NOX4: variants seen among roughly 807,000 people sequenced by gnomAD.
The protein encoded by NOX4 is NADPH oxidase 4.
Under a neutral mutation model 87.6 loss-of-function variants are expected in NOX4, and 69 were observed. That is an observed-to-expected ratio of 0.79 (90% confidence interval 0.65 to 0.96). The LOEUF (loss-of-function observed/expected upper bound fraction) is 0.96. Ranked by LOEUF, NOX4 falls within the 40% of genes least tolerant of loss-of-function variation. The pLI, the probability that NOX4 is intolerant of heterozygous loss-of-function variation, is 0.00. For synonymous variants in NOX4, 275 were observed against 238.2 expected, an observed-to-expected ratio of 1.15 and a Z score of -1.42; for missense variants, 680 against 681.5, an observed-to-expected ratio of 1.00 and a Z score of 0.02.
the NOX4 span, among the ~76,000 whole-genome samples, chr11:89,571,883 C>T: frequency 6.6e-6 from 1 of 152,116 alleles, no homozygotes; most frequent in Non-Finnish European, 1.5e-5. Flanking sequence ...AAAGTCATCC[C>T]TCTGAGGCTC....
chr11:89,422,667 G>A (rs2135268102), intron 7 of NOX4, among the ~76,000 whole-genome samples: 1 of 152,152 alleles, frequency 6.6e-6, no homozygotes, highest in East Asian at 1.9e-4. Flanking sequence ...TGAATCTGAT[G>A]CTTCCCATAG....
chr11:89,550,716 CA>C, the NOX4 span, among the ~76,000 whole-genome samples: 1 of 152,072 alleles, frequency 6.6e-6, no homozygotes, highest in African/African-American at 2.4e-5. Flanking sequence ...GGAGAGATTG[CA>C]AAATTTTTCT....
intron 12 of NOX4, among the ~76,000 whole-genome samples, chr11:89,360,548 T>C (rs1938440856): frequency 6.6e-6 from 1 of 152,124 alleles, no homozygotes; most frequent in Non-Finnish European, 1.5e-5. Context: ...ACTCAACTGG[T>C]TGTCAGAGAG....
intron 8 of NOX4, among the ~76,000 whole-genome samples, chr11:89,411,317 G>C (rs1484037973): frequency 1.3e-5 from 2 of 152,128 alleles, no homozygotes; most frequent in Non-Finnish European, 2.9e-5. Context: ...GGTTGTTATG[G>C]AGAGGGACTC....
chr11:89,535,364 CAA>C, the NOX4 span, among the ~76,000 whole-genome samples: 1 of 152,242 alleles, frequency 6.6e-6, no homozygotes, highest in Non-Finnish European at 1.5e-5. Flanking sequence ...ACGTTTCAGT[CAA>C]GAGACACGTA....
At chr11:89,568,643 A>G in the NOX4 span, among the ~76,000 whole-genome samples, 3 of 152,228 alleles carry the variant, frequency 2.0e-5, no homozygotes, top group Non-Finnish European at 4.4e-5. Context: ...TTCCTATCAA[A>G]CTATCAAAAA....
chr11:89,361,471 C>T (rs191744679), intron 12 of NOX4, among the ~76,000 whole-genome samples: 45 of 151,934 alleles, frequency 3.0e-4, no homozygotes, highest in South Asian at 4.2e-4. Context: ...TGTTAGAAGT[C>T]GGGTGAGGGA....
At chr11:89,359,786 T>C (rs1463222004) in intron 12 of NOX4, among the ~76,000 whole-genome samples, 1 of 151,978 alleles carries the variant, frequency 6.6e-6, no homozygotes, top group Admixed American at 6.6e-5. Context: ...ATTTTAACTG[T>C]TTTGAGTATT....
chr11:89,384,921 T>G (rs1287716228), intron 11 of NOX4, among the ~76,000 whole-genome samples: 1 of 151,786 alleles, frequency 6.6e-6, no homozygotes, highest in Non-Finnish European at 1.5e-5. Context: ...CCCCATATTT[T>G]CTTCTTTCCT....
At chr11:89,465,829 T>A (rs1945669441) in intron 2 of NOX4, among the ~76,000 whole-genome samples, 1 of 151,782 alleles carries the variant, frequency 6.6e-6, no homozygotes, top group South Asian at 2.1e-4. Flanking sequence ...ATGGGGTTTT[T>A]TTTTTCTTGT....
At chr11:89,467,411 G>T (rs145949083) in intron 2 of NOX4, among the ~76,000 whole-genome samples, 135 of 149,082 alleles carry the variant, frequency 9.1e-4, no homozygotes, top group Middle Eastern at 3.5e-3. Context: ...TTTTATTAGT[G>T]CAGAGCATCT....
intron 8 of NOX4, among the ~76,000 whole-genome samples, chr11:89,419,634 T>C (rs1398872143): frequency 3.3e-5 from 5 of 151,884 alleles, no homozygotes; most frequent in African/African-American, 1.2e-4. Context: ...AGTTTAATAA[T>C]TGATTGATTA....
chr11:89,341,214 C>T lies in NOX4; in HGVS notation c.1337+860G>A, dbSNP rs146667972. On this transcript the variant is annotated intron_variant, in intron 14 of 17. Transcript: ENST00000263317. The stretch of plus-strand genomic sequence containing the variant: ...CTCCCCTCACTGCAACCCCCACCTC[C>T]CAGGTTCAAGAGATTCTCATGCCTC... 2.7e-3 allele frequency among the ~76,000 whole-genome samples: 412 copies of T among 150,200 alleles called. 1 individual carries two copies. Among genetic ancestry groups the T allele is most frequent in the African/African-American group, 9.6e-3 (392 of 40,696 alleles).
At chr11:89,386,468 C>T (rs371035856) in intron 11 of NOX4, among the ~76,000 whole-genome samples, 5 of 152,202 alleles carry the variant, frequency 3.3e-5, no homozygotes, top group South Asian at 4.1e-4. Context: ...AAAACTTTCA[C>T]CCTGATGAAG....
chr11:89,347,041 C>T (rs1336585768), intron 13 of NOX4, among the ~76,000 whole-genome samples: 1 of 151,974 alleles, frequency 6.6e-6, no homozygotes, highest in Admixed American at 6.6e-5. Flanking sequence ...TCCAGGTATT[C>T]GAATTTCACA....
At chr11:89,568,518 T>C in the NOX4 span, among the ~76,000 whole-genome samples, 407 of 152,236 alleles carry the variant, frequency 2.7e-3, 3 homozygotes, top group African/African-American at 9.3e-3. Flanking sequence ...GAAACACTAT[T>C]GAAAGTAATC....
chr11:89,390,231 G>C (rs150373086), intron 11 of NOX4, among the ~76,000 whole-genome samples: 1 of 152,136 alleles, frequency 6.6e-6, no homozygotes, highest in Non-Finnish European at 1.5e-5. Context: ...AGAAATATTT[G>C]CCCTACTCAA....
chr11:89,360,774 A>G (rs1300124287), intron 12 of NOX4, among the ~76,000 whole-genome samples: 1 of 152,116 alleles, frequency 6.6e-6, no homozygotes, highest in Non-Finnish European at 1.5e-5. Flanking sequence ...AAATAATCCC[A>G]TCAAAAAGTG....
chr11:89,492,516 TTAA>T (rs753133053), upstream of NOX4, among the ~76,000 whole-genome samples: 1 of 152,218 alleles, frequency 6.6e-6, no homozygotes, highest in African/African-American at 2.4e-5. Flanking sequence ...AATGAACTGA[TTAA>T]TGATTGCAGT....
Sources: allele counts gnomAD v4.1 joint callset (sites outside exome capture counted in the v4.1 genomes callset), GRCh38; gene constraint gnomAD v4.1.1; transcripts MANE v1.5; gene names NCBI Gene and HGNC (gene_info 2026-07-23, HGNC 2026-07-21).